Variants in GRIK1 observed in about 807,000 individuals in gnomAD.
The protein encoded by GRIK1 is glutamate ionotropic receptor kainate type subunit 1.
In GRIK1, 69 loss-of-function variants were observed where a neutral mutation model predicts 105.7. The observed-to-expected ratio is 0.65, with a 90% CI of 0.54 to 0.80. GRIK1 has a LOEUF of 0.80. GRIK1 is among the 30% of genes least tolerant of loss of function. The pLI, the probability that GRIK1 is intolerant of heterozygous loss-of-function variation, is 0.00. For synonymous variants in GRIK1, 438 were observed against 431.3 expected (o/e 1.02, Z -0.19); for missense variants, 1,109 against 1,167.3 (o/e 0.95, Z 0.73).
At chr21:29,545,381 C>T (rs1223485136) in intron 16 of GRIK1, among the ~76,000 whole-genome samples, 2 of 152,180 alleles carry the variant, frequency 1.3e-5, no homozygotes. Flanking sequence ...GTGCCTTGGC[C>T]CTCTAGCTTC....
At chr21:29,577,909 A>G (rs989222110) in intron 13 of GRIK1, among the ~76,000 whole-genome samples, 8 of 152,228 alleles carry the variant, frequency 5.3e-5, no homozygotes, top group Admixed American at 2.0e-4. Context: ...TATACATTTT[A>G]GATGTCATTC....
At chr21:29,745,360 C>G (rs1167398919) in intron 1 of GRIK1, among the ~76,000 whole-genome samples, 1 of 152,146 alleles carries the variant, frequency 6.6e-6, no homozygotes, top group Non-Finnish European at 1.5e-5. Context: ...TGTGAGAGAC[C>G]TCAAGAAAGA....
intron 14 of GRIK1, among the ~76,000 whole-genome samples, chr21:29,574,759 C>T (rs1410545853): frequency 6.9e-6 from 1 of 145,282 alleles, no homozygotes; most frequent in East Asian, 2.0e-4. Context: ...GCAATCTCGG[C>T]TCACTGCAAG....
At chr21:29,777,998 A>G (rs144152260) in intron 1 of GRIK1, among the ~76,000 whole-genome samples, 111 of 152,320 alleles carry the variant, frequency 7.3e-4, no homozygotes, top group Admixed American at 1.1e-3. Flanking sequence ...ACTGCAGCAG[A>G]CTATCTAATG....
intron 1 of GRIK1, among the ~76,000 whole-genome samples, chr21:29,912,339 G>C (rs1256152830): frequency 6.6e-6 from 1 of 152,010 alleles, no homozygotes; most frequent in Non-Finnish European, 1.5e-5. Flanking sequence ...TCTGATCAGA[G>C]AGATGTCAGC....
chr21:29,917,243 G>A (rs1368853266), intron 1 of GRIK1, among the ~76,000 whole-genome samples: 2 of 151,980 alleles, frequency 1.3e-5, no homozygotes, highest in African/African-American at 2.4e-5. Context: ...ACAGACAAAC[G>A]TTAAAATATG....
At chr21:29,770,397 G>A (rs1430043768) in intron 1 of GRIK1, among the ~76,000 whole-genome samples, 2 of 152,184 alleles carry the variant, frequency 1.3e-5, no homozygotes, top group African/African-American at 4.8e-5. Context: ...CAAAGTGAGA[G>A]GGTGCAGGGG....
chr21:29,577,515 A>G (rs771891589), intron 13 of GRIK1, among the ~76,000 whole-genome samples: 1 of 152,214 alleles, frequency 6.6e-6, no homozygotes, highest in Non-Finnish European at 1.5e-5. Flanking sequence ...TACTGTCTAA[A>G]TGCATCTTAT....
chr21:29,591,764 G>C (rs2061337293), intron 9 of GRIK1, among the ~76,000 whole-genome samples: 1 of 152,138 alleles, frequency 6.6e-6, no homozygotes. Flanking sequence ...AAAAGGGAAA[G>C]ATAGTGGGGT....
intron 15 of GRIK1, among the ~76,000 whole-genome samples, chr21:29,556,838 A>G (rs1306280428): frequency 6.6e-6 from 1 of 152,200 alleles, no homozygotes; most frequent in Non-Finnish European, 1.5e-5. Flanking sequence ...GGACTGTGGC[A>G]AGATCAAGAA....
intron 3 of GRIK1, among the ~76,000 whole-genome samples, chr21:29,688,415 A>G (rs781494913): frequency 6.6e-5 from 10 of 152,218 alleles, no homozygotes; most frequent in African/African-American, 2.4e-4. Context: ...GCGAAACCGT[A>G]TTGCAAAGTT....
intron 15 of GRIK1, among the ~76,000 whole-genome samples, chr21:29,560,362 TTTCTTC>T (rs2090393247): frequency 2.0e-5 from 1 of 49,016 alleles, no homozygotes. Context: ...TTTCTTTTTC[TTTCTTC>T]CTTCCTTCCT....
intron 1 of GRIK1, among the ~76,000 whole-genome samples, chr21:29,705,873 C>CTTTTTTTTTTTTTT (rs1325677911): frequency 4.4e-5 from 6 of 135,720 alleles, no homozygotes; most frequent in East Asian, 2.1e-4. Flanking sequence ...CTTTTCTTTT[C>CTTTTTTTTTTTTTT]TTTTTTTTTT....
intron 1 of GRIK1, among the ~76,000 whole-genome samples, chr21:29,852,284 C>A (rs117647689): frequency 5.3e-5 from 8 of 152,152 alleles, no homozygotes; most frequent in Non-Finnish European, 7.4e-5. Context: ...ACTTTCCTTG[C>A]GCTTAAATGC....
At chr21:29,756,329 C>T (rs965272283) in intron 1 of GRIK1, among the ~76,000 whole-genome samples, 18 of 151,938 alleles carry the variant, frequency 1.2e-4, no homozygotes, top group African/African-American at 4.3e-4. Context: ...TGCAGTGAGC[C>T]GAGATGGTGC....
chr21:29,796,586 G>A (rs1440247624), intron 1 of GRIK1, among the ~76,000 whole-genome samples: 1 of 152,064 alleles, frequency 6.6e-6, no homozygotes, highest in Admixed American at 6.6e-5. Context: ...AAGAAGTGCA[G>A]CGTATCTGTT....
intron 1 of GRIK1, among the ~76,000 whole-genome samples, chr21:29,905,240 C>T (rs1455540698): frequency 1.3e-5 from 2 of 151,992 alleles, no homozygotes; most frequent in Non-Finnish European, 2.9e-5. Flanking sequence ...AATCTGAAAT[C>T]GTCTGTTACC....
chr21:29,790,458 T>C (rs2066382925), intron 1 of GRIK1, among the ~76,000 whole-genome samples: 1 of 151,388 alleles, frequency 6.6e-6, no homozygotes, highest in African/African-American at 2.4e-5. Context: ...TTTCTTTCTT[T>C]CTTTCTTTTT....
chr21:29,612,333 G>T (rs762020444), intron 7 of GRIK1, among the ~76,000 whole-genome samples: 1 of 152,116 alleles, frequency 6.6e-6, no homozygotes, highest in Admixed American at 6.5e-5. Flanking sequence ...GTCCCAGGAC[G>T]GTTTTACCTT....
Sources: gnomAD v4.1 joint callset for allele counts (sites outside exome capture counted in the v4.1 genomes callset) on GRCh38, gnomAD v4.1.1 for gene constraint, MANE v1.5 for transcripts, NCBI Gene and HGNC (gene_info 2026-07-23, HGNC 2026-07-21) for gene names.